GFPT2: variants seen among roughly 807,000 people sequenced by gnomAD.
GFPT2 encodes glutamine--fructose-6-phosphate transaminase 2, also known as glutamine--fructose-6-phosphate aminotransferase [isomerizing] 2.
In GFPT2, 62 loss-of-function variants were observed where a neutral mutation model predicts 85.6. That is an observed-to-expected ratio of 0.72 (90% confidence interval 0.59 to 0.90). The LOEUF (loss-of-function observed/expected upper bound fraction) is 0.90, where lower values mean the gene tolerates loss of function less well. Among genes scored for constraint, GFPT2 ranks in the 40% least tolerant of loss-of-function variants. The pLI is 0.00. For synonymous variants in GFPT2, 368 were observed against 344.5 expected, an observed-to-expected ratio of 1.07 and a Z score of -0.75; for missense variants, 788 against 893.4, an observed-to-expected ratio of 0.88 and a Z score of 1.50.
intron 1 of GFPT2, among the ~76,000 whole-genome samples, chr5:180,340,270 G>T (rs1200256551): frequency 6.6e-6 from 1 of 150,708 alleles, no homozygotes; most frequent in African/African-American, 2.4e-5. Context: ...GCAATGGCAC[G>T]ATCTTGGCTC....
intron 18 of GFPT2, 146 bp downstream of exon 18, chr5:180,302,277 A>T: frequency 1.7e-4 from 89 of 518,764 alleles, no homozygotes; most frequent in Non-Finnish European, 2.8e-4. Context: ...ACAGAGCGAG[A>T]CTCAATCTCA....
chr5:180,350,937 A>AC (rs1482460527), intron 1 of GFPT2, among the ~76,000 whole-genome samples: 1 of 152,164 alleles, frequency 6.6e-6, no homozygotes, highest in Admixed American at 6.5e-5. Context: ...GAGATCTGAG[A>AC]CCCGAGGCCT....
At chr5:180,332,546 T>C (rs185484987) in intron 4 of GFPT2, among the ~76,000 whole-genome samples, 2 of 152,290 alleles carry the variant, frequency 1.3e-5, no homozygotes, top group Admixed American at 6.5e-5. Context: ...ATTATTACCA[T>C]TATTATTTTG....
chr5:180,305,740 C>G (rs1391295437), intron 16 of GFPT2, among the ~76,000 whole-genome samples: 1 of 152,204 alleles, frequency 6.6e-6, no homozygotes, highest in Non-Finnish European at 1.5e-5. Context: ...AGCTCAGCCC[C>G]CACCCATGAC....
intron 15 of GFPT2, among the ~76,000 whole-genome samples, chr5:180,310,642 C>T (rs761653499): frequency 9.2e-5 from 14 of 151,598 alleles, no homozygotes; most frequent in South Asian, 2.1e-4. Flanking sequence ...AACTCCTGAC[C>T]GCAGGTGATC....
At chr5:180,306,351 G>A (rs938108630) in intron 16 of GFPT2, among the ~76,000 whole-genome samples, 9 of 152,214 alleles carry the variant, frequency 5.9e-5, no homozygotes, top group Non-Finnish European at 1.2e-4. Context: ...GCTGGGCCAC[G>A]GTTAATGCCC....
rs191625274 is a variant in GFPT2, at chr5:180,339,525, T to C, written c.8-925A>G. 4.6e-5 allele frequency among the ~76,000 whole-genome samples: 7 copies of C among 152,338 alleles called. No homozygotes were observed. In the East Asian group the frequency reaches 1.3e-3, roughly 29 times the overall value. Reference sequence around the variant, plus strand: ...TTCCACTTGACTTTCTGTATTCATATTTCAAGATAATTTTCCAAACAGAAA... The same window carrying C: ...TTCCACTTGACTTTCTGTATTCATACTTCAAGATAATTTTCCAAACAGAAA... On this transcript the variant is annotated intron_variant, in intron 1 of 18. Coordinates refer to ENST00000253778, the MANE Select transcript of GFPT2 (RefSeq NM_005110.4).
Position 180,336,515 on chromosome 5 carries a change from T to C in GFPT2, c.178A>G (p.Arg60Gly). 2 of 1,610,670 alleles carry C rather than the reference T, an allele frequency of 1.2e-6. No individual in the cohort carries two copies. The highest frequency in any genetic ancestry group is 1.1e-5 in the South Asian group (1 of 91,004). Residue 60 changes from arginine (R) to glycine (G), a missense_variant, in exon 3 of 19, where the codon AGG becomes GGG. Arg to Gly is a moderately radical substitution (Grantham distance 125). Transcript: ENST00000253778. ...KERHIQLVKK[R>G]GKVKALDEEL... is the part of the protein sequence containing the mutation. ...TCATCGAGAGCCTTGACTTTCCCCCTTTTCTTGACCAGCTGAATGTGTCTT... is the reference window on the plus strand; with the variant it reads ...TCATCGAGAGCCTTGACTTTCCCCCCTTTCTTGACCAGCTGAATGTGTCTT...
chr5:180,314,328 C>T (rs1181282760), intron 13 of GFPT2, among the ~76,000 whole-genome samples: 1 of 152,158 alleles, frequency 6.6e-6, no homozygotes, highest in Non-Finnish European at 1.5e-5. Context: ...ACTGAATAAG[C>T]TGCCTTATTC....
At chr5:180,321,782 GTTTTGT>G (rs1237584677) in intron 9 of GFPT2, among the ~76,000 whole-genome samples, 1 of 152,064 alleles carries the variant, frequency 6.6e-6, no homozygotes, top group Non-Finnish European at 1.5e-5. Context: ...GTTTTGTTTT[GTTTTGT>G]TTTGTTTTGT....
Position 180,324,310 on chromosome 5 carries a change from C to T in GFPT2, c.677-5G>A, listed in dbSNP as rs749155204. On this transcript the variant is annotated splice_region_variant and splice_polypyrimidine_tract_variant and intron_variant, in intron 8 of 18. Transcript: ENST00000253778. ...TCTTCACATTCTCCAGAGTGCCTAGCAAATGGAGGAATGGGTTGCAAATCC... is the reference window on the plus strand; with the variant it reads ...TCTTCACATTCTCCAGAGTGCCTAGTAAATGGAGGAATGGGTTGCAAATCC... 2.2e-5 allele frequency: 32 copies of T among 1,487,526 alleles called. No individual in the cohort carries two copies. The highest frequency in any genetic ancestry group is 3.0e-5 in the Non-Finnish European group (32 of 1,073,710). 92.1% of individuals were successfully genotyped at this position (1,487,526 alleles called of 1,614,324 possible). A position where few individuals can be genotyped will look rare whatever the true frequency, so the allele number is the denominator to read the frequency against.
At chr5:180,351,813 G>A (rs1764716567) in intron 1 of GFPT2, among the ~76,000 whole-genome samples, 1 of 152,194 alleles carries the variant, frequency 6.6e-6, no homozygotes, top group African/African-American at 2.4e-5. Flanking sequence ...TGGGGGCAGA[G>A]GAGCATCTGA....
At chr5:180,352,898 T>C in intron 1 of GFPT2, 2 of 451,176 alleles carry the variant, frequency 4.4e-6, no homozygotes, top group Non-Finnish European at 3.9e-6. Context: ...GACCCCTCTG[T>C]TACGGGGTCC....
rs758368156 is a variant in GFPT2, at chr5:180,301,549, G to C, written c.*15C>G. On this transcript the variant is annotated 3_prime_UTR_variant, in exon 19 of 19. Coordinates refer to ENST00000253778, the MANE Select transcript of GFPT2 (RefSeq NM_005110.4). ...TCAGATGAAAGGTGGTGATGGTCTT[G>C]TCACGGTCTCAGCCTCATTCCACAG... The C allele has an allele frequency of 1.9e-6, 3 of 1,606,588 alleles. No individual in the cohort carries two copies. The highest frequency in any genetic ancestry group is 2.2e-5 in the South Asian group (2 of 90,936).
At chr5:180,336,957 T>C (rs1447909410) in intron 2 of GFPT2, among the ~76,000 whole-genome samples, 10 of 152,272 alleles carry the variant, frequency 6.6e-5, no homozygotes, top group East Asian at 1.9e-4. Flanking sequence ...ACTGCGTTAG[T>C]GTTCCTCCCG....
At chr5:180,337,917 C>G (rs1002584475) in intron 2 of GFPT2, among the ~76,000 whole-genome samples, 1 of 152,070 alleles carries the variant, frequency 6.6e-6, no homozygotes, top group Non-Finnish European at 1.5e-5. Flanking sequence ...GAGGCAAAGG[C>G]AGGAGGATCG....
chr5:180,353,165 C>A, intron 1 of GFPT2, 46 bp downstream of exon 1: 1 of 1,229,688 alleles, frequency 8.1e-7, no homozygotes, highest in Non-Finnish European at 1.0e-6. Flanking sequence ...GCGCCGGGAC[C>A]CGCGGACGGC....
In GFPT2 at chr5:180,318,905, G is replaced by A. The variant is rs753814409; in HGVS notation, c.846C>T (p.Ile282=). The change falls in exon 10 of 19, where the codon ATC becomes ATT. Residue 282 remains isoleucine (I), a synonymous_variant. Transcript: ENST00000253778. This position sits in a 1 kb window ranked among gnomAD's most constrained non-coding sequence, Gnocchi z 4.2. ...NRVIFLEDDD[I]AAVADGKLSI... ...AGAGTTTCCCATCAGCCACTGCGGC[G>A]ATGTCATCGTCCTCCAGGAAGATGA... The A allele has an allele frequency of 6.8e-6, 11 of 1,613,516 alleles. No individual in the cohort carries two copies. The South Asian group carries it at 7.7e-5, about 11-fold the overall frequency.
chr5:180,338,353 T>A (rs1419591006), intron 2 of GFPT2, 140 bp downstream of exon 2: 1 of 488,006 alleles, frequency 2.0e-6, no homozygotes, highest in Non-Finnish European at 3.7e-6. Context: ...AACGGACAAG[T>A]GTTATTTTTA....
Sources: gnomAD v4.1 joint callset for allele counts (sites outside exome capture counted in the v4.1 genomes callset) on GRCh38, gnomAD v4.1.1 for gene constraint, Gnocchi (gnomAD v3.1) non-coding constraint, MANE v1.5 for transcripts, NCBI Gene and HGNC (gene_info 2026-07-23, HGNC 2026-07-21) for gene names.